ST3GAL6: variants seen among roughly 807,000 people sequenced by gnomAD.
ST3GAL6 encodes the protein type 2 lactosamine alpha-2,3-sialyltransferase.
In ST3GAL6, 31 loss-of-function variants were observed where a neutral mutation model predicts 40.5. The ratio of observed to expected loss-of-function variants is 0.77; its 90% confidence interval spans 0.58 to 1.03. ST3GAL6 has a LOEUF of 1.03. Ranked by LOEUF, ST3GAL6 falls within the 50% of genes least tolerant of loss-of-function variation. The pLI is 0.00. For missense variants in ST3GAL6, 357 were observed against 393.2 expected, an observed-to-expected ratio of 0.91 and a Z score of 0.78; for synonymous variants, 129 against 136.9, an observed-to-expected ratio of 0.94 and a Z score of 0.40.
intron 1 of ST3GAL6, among the ~76,000 whole-genome samples, chr3:98,755,160 C>A (rs1457673624): frequency 6.6e-6 from 1 of 152,196 alleles, no homozygotes; most frequent in Non-Finnish European, 1.5e-5. Flanking sequence ...GATTCTCCTG[C>A]CTCAGCTTCC....
At chr3:98,732,734 G>A in intron 1 of ST3GAL6, 1 of 932,750 alleles carries the variant, frequency 1.1e-6, no homozygotes, top group Non-Finnish European at 1.5e-6. Flanking sequence ...GCGGGAGCCT[G>A]AGACTCCGGG....
chr3:98,746,125 A>G (rs538342089), intron 1 of ST3GAL6, among the ~76,000 whole-genome samples: 4 of 152,252 alleles, frequency 2.6e-5, no homozygotes, highest in African/African-American at 7.2e-5. Flanking sequence ...TAGATGAACA[A>G]ATGATAGGGC....
intron 1 of ST3GAL6, among the ~76,000 whole-genome samples, chr3:98,741,051 A>AGTGTGTGTGTGTGTGT (rs35649214): frequency 6.9e-6 from 1 of 145,120 alleles, no homozygotes; most frequent in African/African-American, 2.7e-5. Flanking sequence ...AGAGGGATTC[A>AGTGTGTGTGTGTGTGT]GTGTGTGTGT....
intron 1 of ST3GAL6, among the ~76,000 whole-genome samples, chr3:98,765,516 T>C (rs890266017): frequency 3.9e-5 from 6 of 152,230 alleles, no homozygotes; most frequent in Non-Finnish European, 8.8e-5. Context: ...ACACAAAATA[T>C]GCTTTTACTA....
intron 1 of ST3GAL6, among the ~76,000 whole-genome samples, chr3:98,747,006 A>T (rs548496737): frequency 1.6e-4 from 25 of 152,344 alleles, no homozygotes; most frequent in Middle Eastern, 3.4e-3. Context: ...TCTGTTTAAT[A>T]GTCCCCTTTA....
At position 98,770,148 on chromosome 3, in the gene ST3GAL6, A is replaced by G. The variant is rs564380152; in HGVS notation, c.90-731A>G. ...TAGAAGAAAATTGATTAGTTTTTAA[A>G]TATGAATTCTTCACATAACTGATGA... On this transcript the variant is annotated intron_variant, in intron 2 of 9. Transcript: ENST00000483910. Among the ~76,000 whole-genome samples, 10 of 152,334 alleles carry G rather than the reference A, an allele frequency of 6.6e-5. No individual in the cohort carries two copies. In the East Asian group the frequency reaches 9.6e-4, roughly 15 times the overall value.
Position 98,791,838 on chromosome 3 carries a change from C to A in ST3GAL6, c.757-3C>A. 6.3e-7 allele frequency: 1 copy of A among 1,597,642 alleles called. No homozygotes were observed. The highest frequency in any genetic ancestry group is 1.1e-5 in the South Asian group (1 of 88,350). ...AAAAAGTTTTTTTCATCCCCTCCCC[C>A]AGAAACCTAAACACCCAACAACAGG... On this transcript the variant is annotated splice_polypyrimidine_tract_variant and splice_region_variant and intron_variant, in intron 8 of 9. Coordinates refer to ENST00000483910, the MANE Select transcript of ST3GAL6 (RefSeq NM_001323368.2).
At chr3:98,737,163 C>T (rs1935616750) in intron 1 of ST3GAL6, among the ~76,000 whole-genome samples, 1 of 152,174 alleles carries the variant, frequency 6.6e-6, no homozygotes, top group African/African-American at 2.4e-5. Flanking sequence ...ATTCTCCTGT[C>T]TCAGCCTCCC....
chr3:98,740,236 T>C (rs1319132025), intron 1 of ST3GAL6, among the ~76,000 whole-genome samples: 1 of 151,488 alleles, frequency 6.6e-6, no homozygotes, highest in Non-Finnish European at 1.5e-5. Flanking sequence ...TTTTTTTTTT[T>C]TTTTTTTTTT....
At chr3:98,752,057 A>T (rs1014654468) in intron 1 of ST3GAL6, among the ~76,000 whole-genome samples, 1 of 152,016 alleles carries the variant, frequency 6.6e-6, no homozygotes, top group Non-Finnish European at 1.5e-5. Context: ...CAGCAGAAAA[A>T]CCCCACCTTC....
intron 5 of ST3GAL6, among the ~76,000 whole-genome samples, chr3:98,774,345 C>T (rs566559469): frequency 1.3e-5 from 2 of 152,274 alleles, no homozygotes; most frequent in South Asian, 4.1e-4. Context: ...TCCATGCATC[C>T]TCCAAACTAC....
intron 1 of ST3GAL6, chr3:98,733,674 G>A (rs1233805003): frequency 1.2e-6 from 1 of 858,026 alleles, no homozygotes; most frequent in Non-Finnish European, 1.4e-6. Context: ...CGCCGGCTCC[G>A]GAGATCCCGG....
chr3:98,762,889 C>T, upstream of ST3GAL6: 1 of 985,400 alleles, frequency 1.0e-6, no homozygotes, highest in Non-Finnish European at 1.2e-6. Context: ...TAGTACTGTG[C>T]TGGCCATTTA....
At chr3:98,791,712 G>A in intron 8 of ST3GAL6, 129 bp from the exon 9 acceptor site, 1 of 807,322 alleles carries the variant, frequency 1.2e-6, no homozygotes, top group South Asian at 1.8e-5. Flanking sequence ...CTTATAATGA[G>A]AGTTTAGTTA....
At chr3:98,788,528 G>T in intron 8 of ST3GAL6, 65 bp downstream of exon 8, 1 of 1,460,208 alleles carries the variant, frequency 6.8e-7, no homozygotes, top group Non-Finnish European at 9.1e-7. Context: ...GAGGGTCCTG[G>T]GAACTCTCAG....
upstream of ST3GAL6, chr3:98,762,599 C>G (rs1412427599): frequency 3.9e-6 from 1 of 256,550 alleles, no homozygotes; most frequent in Non-Finnish European, 6.1e-6. Context: ...AGATTAATAG[C>G]TTTTCATATT....
chr3:98,751,264 G>T (rs1308056805), intron 1 of ST3GAL6, among the ~76,000 whole-genome samples: 1 of 152,094 alleles, frequency 6.6e-6, no homozygotes, highest in Non-Finnish European at 1.5e-5. Flanking sequence ...GGATTCTTTA[G>T]TAATAAGTAA....
chr3:98,764,072 T>A (rs1229330885), intron 1 of ST3GAL6, among the ~76,000 whole-genome samples: 1 of 152,178 alleles, frequency 6.6e-6, no homozygotes, highest in Non-Finnish European at 1.5e-5. Context: ...GGTTTGTGTG[T>A]GCTCAGCATC....
upstream of ST3GAL6, among the ~76,000 whole-genome samples, chr3:98,760,086 T>C (rs1937619353): frequency 6.6e-6 from 1 of 152,250 alleles, no homozygotes; most frequent in African/African-American, 2.4e-5. Flanking sequence ...GAGAAACTTC[T>C]GTTGATTGAA....
Sources: gnomAD v4.1 joint callset for allele counts (sites outside exome capture counted in the v4.1 genomes callset) on GRCh38, gnomAD v4.1.1 for gene constraint, MANE v1.5 for transcripts, NCBI Gene and HGNC (gene_info 2026-07-23, HGNC 2026-07-21) for gene names.